Variants in GNG4 observed in about 807,000 individuals in gnomAD.
The protein encoded by GNG4 is guanine nucleotide-binding protein G(I)/G(S)/G(O) subunit gamma-4.
A neutral mutation model predicts 5.8 loss-of-function variants in GNG4; 4 were observed. That is an observed-to-expected ratio of 0.69 (90% CI 0.34 to 1.57). The LOEUF (loss-of-function observed/expected upper bound fraction) is 1.57, where lower values mean the gene tolerates loss of function less well. GNG4 is among the 40% of genes most tolerant of loss of function. GNG4 has a pLI of 0.06. For missense variants in GNG4, 96 were observed against 95.1 expected (o/e 1.01, Z -0.04); for synonymous variants, 29 against 32.9 (o/e 0.88, Z 0.41).
At chr1:235,570,923 TACACACAC>T (rs1553365414) in intron 3 of GNG4, among the ~76,000 whole-genome samples, 2 of 97,348 alleles carry the variant, frequency 2.1e-5, no homozygotes, top group Middle Eastern at 0.016. Context: ...CATATATATA[TACACACAC>T]ACACACACAC....
At chr1:235,637,057 C>CAAAA (rs61512163) in intron 1 of GNG4, among the ~76,000 whole-genome samples, 2 of 134,442 alleles carry the variant, frequency 1.5e-5, no homozygotes, top group African/African-American at 2.9e-5. Flanking sequence ...GACTCCGTCT[C>CAAAA]AAAAAAAAAA....
At chr1:235,596,597 T>C (rs1382659828) in intron 1 of GNG4, among the ~76,000 whole-genome samples, 2 of 152,248 alleles carry the variant, frequency 1.3e-5, no homozygotes, top group Non-Finnish European at 2.9e-5. Flanking sequence ...AGACCAGTGA[T>C]AATGCCTTTT....
chr1:235,563,514 T>C (rs1687122938), intron 3 of GNG4, among the ~76,000 whole-genome samples: 1 of 151,998 alleles, frequency 6.6e-6, no homozygotes, highest in Non-Finnish European at 1.5e-5. Context: ...TTCACATCTA[T>C]GAAATATGAG....
At chr1:235,618,415 A>T (rs1206681168) in intron 1 of GNG4, among the ~76,000 whole-genome samples, 1 of 152,216 alleles carries the variant, frequency 6.6e-6, no homozygotes, top group African/African-American at 2.4e-5. Flanking sequence ...GGCACGCTGG[A>T]TCCCTTGCCT....
intron 2 of GNG4, among the ~76,000 whole-genome samples, chr1:235,592,948 T>G (rs1424978892): frequency 1.9e-4 from 1 of 5,294 alleles, no homozygotes; most frequent in Admixed American, 3.9e-3. Context: ...CTCTGTAACA[T>G]TTTTTTTTTT....
intron 1 of GNG4, among the ~76,000 whole-genome samples, chr1:235,599,606 G>A (rs1183956492): frequency 1.3e-5 from 2 of 152,262 alleles, no homozygotes; most frequent in Admixed American, 1.3e-4. Flanking sequence ...GTGAGGCATT[G>A]CACCCAGCCG....
rs1419414618 is a variant in GNG4 at position 235,593,880 on chromosome 1, T to C, written c.-11+1520A>G. Among the ~76,000 whole-genome samples, 9 of 152,268 alleles carry C rather than the reference T, an allele frequency of 5.9e-5. No homozygotes were observed. In the East Asian group the frequency reaches 1.7e-3, roughly 29 times the overall value. On this transcript the variant is annotated intron_variant, in intron 2 of 3. Transcript: ENST00000391854. The stretch of plus-strand genomic sequence containing the variant: ...GCCCAGAGTGAGCAGCAGCAGAATT[T>C]GTTGCAAAGAGCAAAAGAACAAAGC...
chr1:235,562,608 G>A (rs571265254), intron 3 of GNG4, among the ~76,000 whole-genome samples: 45 of 139,312 alleles, frequency 3.2e-4, no homozygotes, highest in African/African-American at 1.2e-3. Context: ...TGGCACCACT[G>A]CACTCCAGCT....
intron 1 of GNG4, among the ~76,000 whole-genome samples, chr1:235,637,300 A>G (rs1416369244): frequency 1.3e-5 from 2 of 152,198 alleles, no homozygotes; most frequent in African/African-American, 4.8e-5. Context: ...CCACCTAAAA[A>G]TTCCTCTGAC....
In GNG4 at chr1:235,648,139, G is replaced by T; in HGVS notation, c.-123+1523C>A. On this transcript the variant is annotated intron_variant, in intron 1 of 3. Coordinates refer to ENST00000391854, the MANE Select transcript of GNG4 (RefSeq NM_001098722.2). The surrounding 1 kb of genome is among the most constrained non-coding windows in gnomAD (Gnocchi z 5.0). ...TGAGCCAGGCCTACATCCTCCACTGGCTTCCTTGGGCGAATTTTAAGGCCT... is the reference window on the plus strand; with the variant it reads ...TGAGCCAGGCCTACATCCTCCACTGTCTTCCTTGGGCGAATTTTAAGGCCT... Among the ~76,000 whole-genome samples the T allele has an allele frequency of 6.6e-6, 1 of 152,020 alleles. No homozygotes were observed. Among genetic ancestry groups the T allele is most frequent in the South Asian group, 2.1e-4 (1 of 4,814 alleles).
At chr1:235,602,026 C>G (rs150365860) in intron 1 of GNG4, among the ~76,000 whole-genome samples, 1 of 152,162 alleles carries the variant, frequency 6.6e-6, no homozygotes, top group Non-Finnish European at 1.5e-5. Flanking sequence ...AATCCCAGCA[C>G]TTTGGGAGGC....
intron 1 of GNG4, among the ~76,000 whole-genome samples, chr1:235,609,638 C>T (rs984334510): frequency 2.6e-5 from 4 of 152,074 alleles, no homozygotes; most frequent in Admixed American, 6.6e-5. Context: ...CCTGGCCGGG[C>T]GCAGTGGCTC....
At chr1:235,593,342 C>G (rs543094064) in intron 2 of GNG4, among the ~76,000 whole-genome samples, 2 of 152,174 alleles carry the variant, frequency 1.3e-5, no homozygotes, top group Non-Finnish European at 2.9e-5. Flanking sequence ...CGGTTCCATC[C>G]CCAGTGCTTC....
chr1:235,645,836 G>T (rs1053203273), intron 1 of GNG4, among the ~76,000 whole-genome samples: 1 of 141,642 alleles, frequency 7.1e-6, no homozygotes, highest in East Asian at 2.1e-4. Flanking sequence ...TGTTTAAAAA[G>T]AGTTAAAAAT....
chr1:235,618,804 T>C (rs192343908), intron 1 of GNG4, among the ~76,000 whole-genome samples: 83 of 151,670 alleles, frequency 5.5e-4, no homozygotes, highest in African/African-American at 2.0e-3. Flanking sequence ...TACAGGCATG[T>C]GCCACCCCAC....
At chr1:235,630,711 C>T (rs778010043) in intron 1 of GNG4, among the ~76,000 whole-genome samples, 3 of 152,120 alleles carry the variant, frequency 2.0e-5, no homozygotes, top group African/African-American at 4.8e-5. Context: ...TTGAGGGACA[C>T]GGGCTCTGGA....
chr1:235,600,405 G>A (rs545023553), intron 1 of GNG4, among the ~76,000 whole-genome samples: 132 of 144,418 alleles, frequency 9.1e-4, no homozygotes, highest in South Asian at 2.7e-3. Flanking sequence ...GTGAGCCATG[G>A]CGCCTGGCTT....
At chr1:235,599,884 G>T in intron 1 of GNG4, among the ~76,000 whole-genome samples, 1 of 152,110 alleles carries the variant, frequency 6.6e-6, no homozygotes, top group East Asian at 1.9e-4. Context: ...CATCAGAAAA[G>T]ACACTATCAA....
chr1:235,557,598 C>T (rs291353), intron 3 of GNG4, among the ~76,000 whole-genome samples: 99,986 of 151,886 alleles, frequency 0.66, 33,805 homozygotes, highest in East Asian at 0.85. Context: ...CACGATAGCT[C>T]TCTTCCCATT....
Sources: gnomAD v4.1 joint callset for allele counts (sites outside exome capture counted in the v4.1 genomes callset) on GRCh38, gnomAD v4.1.1 for gene constraint, Gnocchi (gnomAD v3.1) non-coding constraint, MANE v1.5 for transcripts, NCBI Gene and HGNC (gene_info 2026-07-23, HGNC 2026-07-21) for gene names.